Variants in JARID2 observed in about 807,000 individuals in gnomAD.
JARID2 encodes the protein protein Jumonji.
In JARID2, 21 loss-of-function variants were observed where a neutral mutation model predicts 125.6. The ratio of observed to expected loss-of-function variants is 0.17; its 90% CI spans 0.12 to 0.24. The LOEUF is 0.24. Ranked by LOEUF, JARID2 falls within the 10% of genes least tolerant of loss-of-function variation. The pLI is 1.00. For synonymous variants in JARID2, 736 were observed against 661.6 expected, an observed-to-expected ratio of 1.11 and a Z score of -1.73; for missense variants, 1,303 against 1,639.6, an observed-to-expected ratio of 0.79 and a Z score of 3.55.
At chr6:15,330,418 A>G (rs950267203) in intron 1 of JARID2, among the ~76,000 whole-genome samples, 69 of 152,360 alleles carry the variant, frequency 4.5e-4, no homozygotes, top group Admixed American at 3.2e-3. Context: ...GATACAACAC[A>G]GTGGTCACGA....
chr6:15,257,659 C>T (rs557844533), intron 1 of JARID2, among the ~76,000 whole-genome samples: 22 of 152,294 alleles, frequency 1.4e-4, no homozygotes, highest in African/African-American at 3.6e-4. Context: ...CCCGTATTTA[C>T]GTTTTGATCT....
In JARID2 at chr6:15,509,293, T is replaced by TTCA. The variant is rs1420949196; in HGVS notation, c.2846+841_2846+843dup. Reference sequence around the variant, plus strand: ...CGTCTGATCGTTTACCGGCATGCTGTTCATGCCATGCTGACTGTGTTTATT... The same window carrying TTCA: ...CGTCTGATCGTTTACCGGCATGCTGTTCATCATGCCATGCTGACTGTGTTTATT... On this transcript the variant is annotated intron_variant, in intron 12 of 17. Coordinates refer to ENST00000341776, the MANE Select transcript of JARID2 (RefSeq NM_004973.4). 4 of 983,666 alleles carry TTCA rather than the reference T, an allele frequency of 4.1e-6. No homozygotes were observed. The African/African-American group carries it at 7.0e-5, about 17-fold the overall frequency. 60.9% of individuals were successfully genotyped at this position (983,666 alleles called of 1,614,324 possible).
chr6:15,485,831 A>G (rs1769839527), intron 5 of JARID2, among the ~76,000 whole-genome samples: 1 of 152,190 alleles, frequency 6.6e-6, no homozygotes, highest in African/African-American at 2.4e-5. Context: ...TGTGAGATTG[A>G]ATGTTGGGGA....
intron 2 of JARID2, among the ~76,000 whole-genome samples, chr6:15,397,945 T>C (rs1047369792): frequency 2.0e-5 from 3 of 152,184 alleles, no homozygotes; most frequent in Admixed American, 1.3e-4. Context: ...TCATCAGTTG[T>C]GTAGTATTAT....
intron 5 of JARID2, among the ~76,000 whole-genome samples, chr6:15,481,680 T>C (rs1769623915): frequency 6.6e-6 from 1 of 152,202 alleles, no homozygotes; most frequent in African/African-American, 2.4e-5. Flanking sequence ...TTTCTGGCTA[T>C]GTTTGCCATT....
intron 3 of JARID2, among the ~76,000 whole-genome samples, chr6:15,450,843 C>T (rs1203857092): frequency 6.6e-6 from 1 of 152,190 alleles, no homozygotes; most frequent in African/African-American, 2.4e-5. Flanking sequence ...TTATTGGCTA[C>T]TGTGTTAAAA....
intron 4 of JARID2, among the ~76,000 whole-genome samples, chr6:15,454,301 A>C (rs1042325195): frequency 1.3e-5 from 2 of 151,682 alleles, no homozygotes; most frequent in Non-Finnish European, 2.9e-5. Context: ...GTTGGGGGGG[A>C]AATTTTGACA....
chr6:15,286,676 C>T (rs1261753228), intron 1 of JARID2, among the ~76,000 whole-genome samples: 2 of 151,568 alleles, frequency 1.3e-5, no homozygotes, highest in Non-Finnish European at 2.9e-5. Flanking sequence ...CTGGCTAACA[C>T]GGTGAAACCC....
rs148901414 is a variant in JARID2, at chr6:15,292,983, A to AT, written c.45+46406dup. ...CACCATGCCCAGCCTAAGTTGTAAT[A>AT]TTTTTTTAGTTTGAACTAAAGGCAG... On this transcript the variant is annotated intron_variant, in intron 1 of 17. Coordinates refer to ENST00000341776, the MANE Select transcript of JARID2 (RefSeq NM_004973.4). 7.3e-3 allele frequency among the ~76,000 whole-genome samples: 1,109 copies of AT among 152,268 alleles called. 15 individuals are homozygous for AT. The highest frequency in any genetic ancestry group is 0.025 in the African/African-American group (1,050 of 41,548).
intron 1 of JARID2, among the ~76,000 whole-genome samples, chr6:15,320,848 C>CTGTGTGTGTG (rs764906403): frequency 1.3e-3 from 179 of 135,128 alleles, no homozygotes; most frequent in African/African-American, 4.8e-3. Context: ...TTCTCTCTCT[C>CTGTGTGTGTG]TCTCTGTGTG....
intron 1 of JARID2, among the ~76,000 whole-genome samples, chr6:15,329,007 T>C (rs940095148): frequency 7.2e-5 from 11 of 152,146 alleles, no homozygotes; most frequent in Admixed American, 2.6e-4. Flanking sequence ...ATGGGCTTTT[T>C]TTTTCTAGTT....
At chr6:15,282,234 C>T (rs1294726024) in intron 1 of JARID2, among the ~76,000 whole-genome samples, 3 of 152,036 alleles carry the variant, frequency 2.0e-5, no homozygotes, top group South Asian at 2.1e-4. Context: ...TGAGCCACAG[C>T]GCCTGTCATG....
chr6:15,368,383 C>T (rs1433953204), intron 1 of JARID2, among the ~76,000 whole-genome samples: 1 of 152,084 alleles, frequency 6.6e-6, no homozygotes, highest in Non-Finnish European at 1.5e-5. Flanking sequence ...TACTTACTTC[C>T]TCCCCATCCC....
At chr6:15,316,213 G>A (rs570781839) in intron 1 of JARID2, among the ~76,000 whole-genome samples, 1 of 151,722 alleles carries the variant, frequency 6.6e-6, no homozygotes, top group African/African-American at 2.4e-5. Context: ...TCTGCCTTCC[G>A]GGTTCAAGCG....
chr6:15,313,013 G>GT (rs1762066651), intron 1 of JARID2, among the ~76,000 whole-genome samples: 1 of 152,212 alleles, frequency 6.6e-6, no homozygotes, highest in Non-Finnish European at 1.5e-5. Context: ...GCAGCCTCCA[G>GT]TTTCAGAATA....
intron 6 of JARID2, among the ~76,000 whole-genome samples, chr6:15,488,806 A>T (rs1214893077): frequency 6.6e-6 from 1 of 152,136 alleles, no homozygotes. Context: ...GTCCACACAC[A>T]CCTAGCACAT....
At chr6:15,486,477 A>T (rs969886220) in intron 5 of JARID2, among the ~76,000 whole-genome samples, 1 of 152,228 alleles carries the variant, frequency 6.6e-6, no homozygotes, top group Non-Finnish European at 1.5e-5. Context: ...TGTGCCAGGG[A>T]TAGGTGGCAT....
intron 5 of JARID2, among the ~76,000 whole-genome samples, chr6:15,472,388 C>T (rs902638827): frequency 6.6e-6 from 1 of 152,126 alleles, no homozygotes; most frequent in African/African-American, 2.4e-5. Flanking sequence ...ATGTACAAAC[C>T]TTTCTGTGCT....
rs67874437 is a variant in JARID2 at position 15,497,650 on chromosome 6, CAAA to C, written c.1945+493_1945+495del. ...TGGGTGACAGAGTGAGATTCCGTCT[CAAA>C]AAAAAAAAAAAAGTATTGAGCTTGG... is the stretch of plus-strand genomic sequence containing the variant. On this transcript the variant is annotated intron_variant, in intron 7 of 17. Coordinates refer to ENST00000341776, the MANE Select transcript of JARID2 (RefSeq NM_004973.4). Among the ~76,000 whole-genome samples, 46 of 133,468 alleles carry C rather than the reference CAAA, an allele frequency of 3.4e-4. No homozygotes were observed. The East Asian group carries it at 7.6e-3, about 22-fold the overall frequency. 87.6% of individuals were successfully genotyped at this position (133,468 alleles called of 152,430 possible).
Sources: allele counts gnomAD v4.1 joint callset (sites outside exome capture counted in the v4.1 genomes callset), GRCh38; gene constraint gnomAD v4.1.1; transcripts MANE v1.5; gene names NCBI Gene and HGNC (gene_info 2026-07-23, HGNC 2026-07-21).